Variants in DOCK1 observed in about 807,000 individuals in gnomAD.
DOCK1 encodes dedicator of cytokinesis protein 1.
DOCK1 carries 138 observed loss-of-function variants against 262.7 expected under a neutral mutation model. That is an observed-to-expected ratio of 0.53 (90% CI 0.46 to 0.61). DOCK1 has a LOEUF of 0.61. DOCK1 is among the 20% of genes least tolerant of loss of function. The pLI, the probability that DOCK1 is intolerant of heterozygous loss-of-function variation, is 0.00. For missense variants in DOCK1, 1,908 were observed against 2,370.7 expected, an observed-to-expected ratio of 0.80 and a Z score of 4.05; for synonymous variants, 866 against 867.4, an observed-to-expected ratio of 1.00 and a Z score of 0.03.
intron 23 of DOCK1, among the ~76,000 whole-genome samples, chr10:127,084,355 A>G (rs1347478157): frequency 6.6e-6 from 1 of 152,198 alleles, no homozygotes; most frequent in Non-Finnish European, 1.5e-5. Flanking sequence ...CTCACCAGCA[A>G]GCGGTTCTCA....
At chr10:126,951,655 G>T (rs1271774966) in intron 1 of DOCK1, among the ~76,000 whole-genome samples, 2 of 151,742 alleles carry the variant, frequency 1.3e-5, no homozygotes, top group East Asian at 3.9e-4. Context: ...TGTAGTATTG[G>T]TGACAATGGT....
In DOCK1 at chr10:127,145,891, G is replaced by A. The variant is rs746685449; in HGVS notation, c.2847+18127G>A. Reference sequence around the variant, plus strand: ...GTGTCATCTGGTGTCACCAGTGACCGGTCTAAACGTCAGCCTGTGCATTCC... The same window carrying A: ...GTGTCATCTGGTGTCACCAGTGACCAGTCTAAACGTCAGCCTGTGCATTCC... On this transcript the variant is annotated intron_variant, in intron 27 of 51. Coordinates refer to ENST00000623213, the MANE Select transcript of DOCK1 (RefSeq NM_001290223.2). 51 of 442,066 alleles carry A rather than the reference G, an allele frequency of 1.2e-4. 1 individual carries two copies. Among genetic ancestry groups the A allele is most frequent in the South Asian group, 3.1e-4 (18 of 58,626 alleles). The allele number at this position is 442,066 out of a possible 1,614,324, so 27.4% of individuals were successfully genotyped here. A position where few individuals can be genotyped will look rare whatever the true frequency, so the allele number is the denominator to read the frequency against.
At chr10:126,959,356 G>A (rs2037010399) in intron 1 of DOCK1, among the ~76,000 whole-genome samples, 1 of 152,108 alleles carries the variant, frequency 6.6e-6, no homozygotes. Flanking sequence ...AACATGTTTT[G>A]GGGTAAAATA....
chr10:127,282,879 G>T (rs2135293729), intron 29 of DOCK1, among the ~76,000 whole-genome samples: 1 of 152,344 alleles, frequency 6.6e-6, no homozygotes, highest in African/African-American at 2.4e-5. Context: ...AGTGATAGTG[G>T]GGAGCTGCCA....
At chr10:127,255,573 A>C (rs1430736034) in intron 28 of DOCK1, among the ~76,000 whole-genome samples, 1 of 152,188 alleles carries the variant, frequency 6.6e-6, no homozygotes, top group Non-Finnish European at 1.5e-5. Flanking sequence ...TGGCTAGTGA[A>C]TTATGCAGAA....
At chr10:127,363,843 G>A (rs533263064) in intron 33 of DOCK1, among the ~76,000 whole-genome samples, 46 of 152,288 alleles carry the variant, frequency 3.0e-4, no homozygotes, top group African/African-American at 1.1e-3. Flanking sequence ...CTGAGGGCAG[G>A]GAGACTGAGA....
chr10:127,220,204 A>T (rs1477049944), intron 27 of DOCK1, among the ~76,000 whole-genome samples: 1 of 151,598 alleles, frequency 6.6e-6, no homozygotes, highest in Non-Finnish European at 1.5e-5. Context: ...AGTTGATGTG[A>T]TATTTAAATA....
At chr10:127,053,588 A>G (rs2044906620) in intron 22 of DOCK1, among the ~76,000 whole-genome samples, 1 of 152,228 alleles carries the variant, frequency 6.6e-6, no homozygotes, top group African/African-American at 2.4e-5. Flanking sequence ...AGTAAATCGA[A>G]GGGTTAAAGG....
intron 23 of DOCK1, among the ~76,000 whole-genome samples, chr10:127,097,905 T>TTTCATGG (rs2048005442): frequency 6.6e-6 from 1 of 152,214 alleles, no homozygotes; most frequent in African/African-American, 2.4e-5. Flanking sequence ...ATTCGTACAG[T>TTTCATGG]TTCATGGTCC....
intron 29 of DOCK1, among the ~76,000 whole-genome samples, chr10:127,284,656 G>A (rs2061081965): frequency 1.3e-5 from 2 of 152,208 alleles, no homozygotes; most frequent in African/African-American, 4.8e-5. Context: ...GAAAGCCAGA[G>A]TGGGAAGATC....
intron 28 of DOCK1, among the ~76,000 whole-genome samples, chr10:127,251,026 A>G (rs1025878779): frequency 2.6e-5 from 4 of 151,890 alleles, no homozygotes; most frequent in African/African-American, 9.7e-5. Flanking sequence ...ACAATGGTGC[A>G]ATCTCGGCTC....
At chr10:126,928,743 C>T (rs1462798761) in intron 1 of DOCK1, among the ~76,000 whole-genome samples, 1 of 152,230 alleles carries the variant, frequency 6.6e-6, no homozygotes, top group Non-Finnish European at 1.5e-5. Flanking sequence ...GTGGGTGTTA[C>T]ACGACCACAA....
At chr10:127,057,430 T>A (rs976230862) in intron 22 of DOCK1, among the ~76,000 whole-genome samples, 5 of 152,234 alleles carry the variant, frequency 3.3e-5, no homozygotes, top group African/African-American at 4.8e-5. Flanking sequence ...GGTGAAACTT[T>A]GAAGATGAAG....
chr10:127,171,439 C>T (rs1376835844), intron 27 of DOCK1, among the ~76,000 whole-genome samples: 5 of 152,222 alleles, frequency 3.3e-5, no homozygotes, highest in East Asian at 1.9e-4. Context: ...GGAGCAGGCC[C>T]ATGACCCCTT....
intron 29 of DOCK1, among the ~76,000 whole-genome samples, chr10:127,264,429 G>A (rs2060282561): frequency 6.6e-6 from 1 of 152,150 alleles, no homozygotes. Context: ...GTGTTTTGAA[G>A]CCCACACACT....
chr10:126,996,714 T>C, intron 6 of DOCK1, 34 bp from the exon 7 acceptor site: 1 of 1,581,888 alleles, frequency 6.3e-7, no homozygotes, highest in Non-Finnish European at 8.6e-7. Context: ...CCTTGGTCTA[T>C]GTCTGTGAAC....
chr10:126,999,745 C>T (rs549511301), intron 9 of DOCK1, among the ~76,000 whole-genome samples: 4 of 152,242 alleles, frequency 2.6e-5, no homozygotes, highest in South Asian at 2.1e-4. Context: ...GGCGTGATCT[C>T]GGCTCACTGC....
Position 126,987,526 on chromosome 10 carries a change from A to G in DOCK1, c.233A>G (p.His78Arg). 1.3e-6 allele frequency: 2 copies of G among 1,577,122 alleles called. No homozygotes were observed. The highest frequency in any genetic ancestry group is 1.7e-6 in the Non-Finnish European group (2 of 1,161,054). Residue 78 changes from histidine (H) to arginine (R), a missense_variant, in exon 5 of 52, where the codon CAT (histidine) becomes CGT (arginine). Transcript: ENST00000623213. ...KEAIVEGKGQ[H>R]ETVIPGDLPL... ...CTTTCCTTCTTTCCTCCCAGGCAAC[A>G]TGAAACAGTCATCCCGGGTGACCTC... is the stretch of plus-strand genomic sequence containing the variant.
At chr10:127,150,270 A>T (rs1429675418) in intron 27 of DOCK1, among the ~76,000 whole-genome samples, 1 of 152,136 alleles carries the variant, frequency 6.6e-6, no homozygotes, top group African/African-American at 2.4e-5. Context: ...AGCTTCTGAC[A>T]TTTGGGGGTG....
Sources: allele counts gnomAD v4.1 joint callset (sites outside exome capture counted in the v4.1 genomes callset), GRCh38; gene constraint gnomAD v4.1.1; transcripts MANE v1.5; gene names NCBI Gene and HGNC (gene_info 2026-07-23, HGNC 2026-07-21).